The following SYT13 variants were observed in gnomAD, a reference collection of about 807,000 sequenced individuals.
SYT13 encodes the protein synaptotagmin 13, also known as synaptotagmin-13.
Under a neutral mutation model 38.6 loss-of-function variants are expected in SYT13, and 21 were observed. That is an observed-to-expected ratio of 0.54 (90% CI 0.39 to 0.78). SYT13 has a LOEUF of 0.78. Among genes scored for constraint, SYT13 ranks in the 30% least tolerant of loss-of-function variants. The pLI is 0.00. For synonymous variants in SYT13, 241 were observed against 237.6 expected, an observed-to-expected ratio of 1.01 and a Z score of -0.13; for missense variants, 495 against 548.7, an observed-to-expected ratio of 0.90 and a Z score of 0.98.
intron 4 of SYT13, among the ~76,000 whole-genome samples, chr11:45,248,205 T>G (rs1402388607): frequency 6.6e-6 from 1 of 152,022 alleles, no homozygotes; most frequent in Non-Finnish European, 1.5e-5. Context: ...GGCAATGAAA[T>G]GAATGGTAGC....
chr11:45,267,739 T>C (rs1421098445), intron 1 of SYT13, among the ~76,000 whole-genome samples: 1 of 152,184 alleles, frequency 6.6e-6, no homozygotes, highest in Non-Finnish European at 1.5e-5. Flanking sequence ...TGTGAAGCCA[T>C]GTGCCCTTAG....
intron 1 of SYT13, among the ~76,000 whole-genome samples, chr11:45,261,809 G>A (rs1854820387): frequency 6.6e-6 from 1 of 151,490 alleles, no homozygotes; most frequent in African/African-American, 2.4e-5. Context: ...ACAGCTACTT[G>A]GGAGGCTGAG....
intron 1 of SYT13, among the ~76,000 whole-genome samples, chr11:45,270,295 T>G (rs1159458418): frequency 6.6e-6 from 1 of 152,220 alleles, no homozygotes; most frequent in African/African-American, 2.4e-5. Context: ...TTTGAATCCT[T>G]TAGACTTTTT....
intron 1 of SYT13, among the ~76,000 whole-genome samples, chr11:45,262,734 C>T (rs1388359459): frequency 2.7e-5 from 3 of 111,986 alleles, no homozygotes; most frequent in Non-Finnish European, 5.7e-5. Context: ...CACACACACA[C>T]ACACACACAC....
chr11:45,276,673 G>A (rs766282682), intron 1 of SYT13, among the ~76,000 whole-genome samples: 27 of 149,652 alleles, frequency 1.8e-4, no homozygotes, highest in Admixed American at 3.3e-4. Context: ...AGAAAATACC[G>A]CAAAGAGATA....
chr11:45,259,574 C>G (rs1481163645), intron 1 of SYT13, among the ~76,000 whole-genome samples: 1 of 152,156 alleles, frequency 6.6e-6, no homozygotes, highest in Non-Finnish European at 1.5e-5. Flanking sequence ...TTGGGCATTT[C>G]TTGGTTGTCT....
At position 45,240,575 on chromosome 11, in the gene SYT13, C is replaced by T. The variant is rs8929; in HGVS notation, c.*3477G>A. The T allele has an allele frequency of 0.46, 70,351 of 152,032 alleles. 16,789 individuals carry two copies. Among genetic ancestry groups the T allele is most frequent in the Middle Eastern group, 0.54 (159 of 294 alleles). 9.4% of individuals were successfully genotyped at this position (152,032 alleles called of 1,614,324 possible). A position where few individuals can be genotyped will look rare whatever the true frequency, so the allele number is the denominator to read the frequency against. ...CTCCTAGCTGATTCTCTGTGCCCAGCTTTGTTTGGAGTGATTTGTCATTCA... is the reference window on the plus strand; with the variant it reads ...CTCCTAGCTGATTCTCTGTGCCCAGTTTTGTTTGGAGTGATTTGTCATTCA... On this transcript the variant is annotated 3_prime_UTR_variant, in exon 6 of 6. Transcript: ENST00000020926.
At chr11:45,269,324 AAAAC>A (rs1456831315) in intron 1 of SYT13, 18 of 716,276 alleles carry the variant, frequency 2.5e-5, no homozygotes, top group African/African-American at 7.7e-5. Flanking sequence ...AATTATTAAA[AAAAC>A]AAACAAAAAA....
In SYT13 at chr11:45,241,370, A is replaced by T. The variant is rs1255108626; in HGVS notation, c.*2682T>A. ...AACATAACAGACAACTCTCCTTCAA[A>T]ATGTATCTCATTTCTGTAATCCCTG... On this transcript the variant is annotated 3_prime_UTR_variant, in exon 6 of 6. Coordinates refer to ENST00000020926, the MANE Select transcript of SYT13 (RefSeq NM_020826.3). 1 of 152,140 alleles carries T rather than the reference A, an allele frequency of 6.6e-6. No homozygotes were observed. Among genetic ancestry groups the T allele is most frequent in the Non-Finnish European group, 1.5e-5 (1 of 68,032 alleles). The allele number at this position is 152,140 out of a possible 1,614,324, so 9.4% of individuals were successfully genotyped here.
chr11:45,260,527 C>A (rs1222687481), intron 1 of SYT13, among the ~76,000 whole-genome samples: 2 of 152,224 alleles, frequency 1.3e-5, no homozygotes, highest in East Asian at 1.9e-4. Flanking sequence ...TAGAGAGAGA[C>A]CTTGCTCCAG....
chr11:45,245,457 C>A (rs1854602616), intron 5 of SYT13, among the ~76,000 whole-genome samples: 1 of 152,182 alleles, frequency 6.6e-6, no homozygotes, highest in African/African-American at 2.4e-5. Flanking sequence ...GAGATAAAAG[C>A]ATTGAACTTT....
chr11:45,283,249 G>C (rs1328051794), intron 1 of SYT13, among the ~76,000 whole-genome samples: 1 of 152,162 alleles, frequency 6.6e-6, no homozygotes, highest in Non-Finnish European at 1.5e-5. Flanking sequence ...AGATTTCTAG[G>C]AATAGCCTCC....
chr11:45,280,278 C>A (rs1399801001), intron 1 of SYT13, among the ~76,000 whole-genome samples: 1 of 152,108 alleles, frequency 6.6e-6, no homozygotes, highest in Non-Finnish European at 1.5e-5. Context: ...ACGTCCCAAT[C>A]CCCAGGGGGA....
chr11:45,280,539 T>C (rs1855059669), intron 1 of SYT13, among the ~76,000 whole-genome samples: 2 of 152,138 alleles, frequency 1.3e-5, no homozygotes, highest in African/African-American at 4.8e-5. Flanking sequence ...ACATAAATCA[T>C]AAATGTAGAG....
At chr11:45,251,745 T>C (rs1482070626) in intron 4 of SYT13, among the ~76,000 whole-genome samples, 1 of 152,174 alleles carries the variant, frequency 6.6e-6, no homozygotes, top group Non-Finnish European at 1.5e-5. Flanking sequence ...CTGTGGCATC[T>C]CAGAAGACCC....
chr11:45,285,774 T>G, intron 1 of SYT13: 20 of 682,372 alleles, frequency 2.9e-5, no homozygotes, highest in Non-Finnish European at 3.5e-5. Context: ...CTGGCCCCCA[T>G]TCTTCTCTCA....
chr11:45,281,385 G>T lies in SYT13; in HGVS notation c.183+4640C>A, dbSNP rs542339247. ...GGATATGGACAGAAGGGGCCTGGGGGCCAGACGCAGTGGCTCACACCTGTA... is the reference window on the plus strand; with the variant it reads ...GGATATGGACAGAAGGGGCCTGGGGTCCAGACGCAGTGGCTCACACCTGTA... On this transcript the variant is annotated intron_variant, in intron 1 of 5. Coordinates refer to ENST00000020926, the MANE Select transcript of SYT13 (RefSeq NM_020826.3). Among the ~76,000 whole-genome samples, 6 of 152,246 alleles carry T rather than the reference G, an allele frequency of 3.9e-5. No homozygotes were observed. In the South Asian group the frequency reaches 1.2e-3, roughly 32 times the overall value.
intron 2 of SYT13, 41 bp from the exon 3 acceptor site, chr11:45,254,445 G>A: frequency 1.3e-6 from 2 of 1,595,822 alleles, no homozygotes; most frequent in Non-Finnish European, 1.7e-6. Context: ...CCCACACTGG[G>A]GTTCTGCTTT....
At chr11:45,274,028 G>T (rs577217983) in intron 1 of SYT13, among the ~76,000 whole-genome samples, 1 of 152,364 alleles carries the variant, frequency 6.6e-6, no homozygotes, top group African/African-American at 2.4e-5. Flanking sequence ...AATGAGCAAA[G>T]TGGGATTCAG....
Sources: allele counts gnomAD v4.1 joint callset (sites outside exome capture counted in the v4.1 genomes callset), GRCh38; gene constraint gnomAD v4.1.1; transcripts MANE v1.5; gene names NCBI Gene and HGNC (gene_info 2026-07-23, HGNC 2026-07-21).